SKAP2: variants seen among roughly 807,000 people sequenced by gnomAD.
The protein encoded by SKAP2 is src kinase-associated phosphoprotein 2.
Under a neutral mutation model 54.9 loss-of-function variants are expected in SKAP2, and 28 were observed. The ratio of observed to expected loss-of-function variants is 0.51; its 90% CI spans 0.38 to 0.70. SKAP2 has a LOEUF of 0.70. SKAP2 is among the 30% of genes least tolerant of loss of function. The pLI is 0.00. For missense variants in SKAP2, 356 were observed against 424.1 expected (o/e 0.84, Z 1.41); for synonymous variants, 137 against 134.3 (o/e 1.02, Z -0.14).
the SKAP2 span, among the ~76,000 whole-genome samples, chr7:26,661,639 G>A: frequency 6.6e-6 from 1 of 152,074 alleles, no homozygotes; most frequent in South Asian, 2.1e-4. Context: ...ATCAAAAAAT[G>A]CATTGAAAAT....
intron 4 of SKAP2, among the ~76,000 whole-genome samples, chr7:26,771,436 C>CT (rs902911488): frequency 5.9e-5 from 9 of 152,146 alleles, no homozygotes; most frequent in Non-Finnish European, 8.8e-5. Context: ...GGGGATGTAA[C>CT]TGATATTCAC....
chr7:26,756,613 T>G (rs1241040318), intron 4 of SKAP2, among the ~76,000 whole-genome samples: 1 of 152,240 alleles, frequency 6.6e-6, no homozygotes, highest in Non-Finnish European at 1.5e-5. Context: ...AAGTCTTTGC[T>G]ATTGTGAGTA....
At chr7:26,798,271 A>T (rs1783826867) in intron 4 of SKAP2, among the ~76,000 whole-genome samples, 1 of 152,036 alleles carries the variant, frequency 6.6e-6, no homozygotes. Flanking sequence ...GCCAGGAGAG[A>T]GTGGCATGAC....
rs1434022139 is a variant in SKAP2 at position 26,771,215 on chromosome 7, A to G, written c.308-31251T>C. Among the ~76,000 whole-genome samples the G allele has an allele frequency of 1.3e-5, 2 of 152,180 alleles. 1 individual carries two copies. The highest frequency in any genetic ancestry group is 1.3e-4 in the Admixed American group (2 of 15,288). On this transcript the variant is annotated intron_variant, in intron 4 of 12. Transcript: ENST00000345317. The stretch of plus-strand genomic sequence containing the variant: ...TCCCTAGGTGTAGCTAGTGATAATA[A>G]AGGTTTTAGATGATAATCAGTCTAG...
At chr7:26,857,411 CT>C in intron 1 of SKAP2, 13 of 975,254 alleles carry the variant, frequency 1.3e-5, no homozygotes, top group South Asian at 4.8e-5. Context: ...GGTTTTTAAG[CT>C]TTTGAAATCT....
rs1009908836 is a variant in SKAP2, at chr7:26,807,928, A to G, written c.307+36102T>C. 2.6e-5 allele frequency among the ~76,000 whole-genome samples: 4 copies of G among 152,334 alleles called. No individual in the cohort carries two copies. In the East Asian group the frequency reaches 7.7e-4, roughly 29 times the overall value. On this transcript the variant is annotated intron_variant, in intron 4 of 12. Coordinates refer to ENST00000345317, the MANE Select transcript of SKAP2 (RefSeq NM_003930.5). ...TTAAGGTATGCACATTGTTTTTTAG[A>G]CATAATACTAATTGCACACTTAATA...
At chr7:26,816,622 G>A (rs1784271743) in intron 4 of SKAP2, among the ~76,000 whole-genome samples, 1 of 151,988 alleles carries the variant, frequency 6.6e-6, no homozygotes. Context: ...ATATAAGTAT[G>A]TGTTGATGCA....
At chr7:26,665,006 TA>T (rs1008881876), downstream of SKAP2, among the ~76,000 whole-genome samples, 5 of 152,112 alleles carry the variant, frequency 3.3e-5, no homozygotes, top group African/African-American at 1.2e-4. Flanking sequence ...CAACTTTAAA[TA>T]AACAGGGAGT....
chr7:26,839,865 G>T (rs1002919114), intron 4 of SKAP2, among the ~76,000 whole-genome samples: 1 of 151,980 alleles, frequency 6.6e-6, no homozygotes, highest in African/African-American at 2.4e-5. Flanking sequence ...CACTTTCTAA[G>T]AGCTAATTAT....
chr7:26,664,735 A>C (rs1302138695), downstream of SKAP2, among the ~76,000 whole-genome samples: 2 of 151,866 alleles, frequency 1.3e-5, no homozygotes, highest in Admixed American at 6.6e-5. Flanking sequence ...AAAGAAAAAA[A>C]AAAAAAAAAA....
At chr7:26,776,325 T>C (rs1783306828) in intron 4 of SKAP2, among the ~76,000 whole-genome samples, 1 of 152,170 alleles carries the variant, frequency 6.6e-6, no homozygotes, top group South Asian at 2.1e-4. Flanking sequence ...GCCCCCTGTA[T>C]GCTGAAGACT....
downstream of SKAP2, among the ~76,000 whole-genome samples, chr7:26,666,458 T>C (rs1054651211): frequency 1.3e-5 from 2 of 152,114 alleles, no homozygotes; most frequent in Non-Finnish European, 2.9e-5. Context: ...GTAGAAATCA[T>C]AAGAACTAAG....
intron 4 of SKAP2, among the ~76,000 whole-genome samples, chr7:26,843,659 T>G (rs1286243814): frequency 3.9e-5 from 6 of 151,920 alleles, no homozygotes; most frequent in African/African-American, 1.4e-4. Flanking sequence ...CAGAAAAAAA[T>G]AGATCAAAAA....
chr7:26,842,971 A>G (rs1254611852), intron 4 of SKAP2, among the ~76,000 whole-genome samples: 1 of 152,014 alleles, frequency 6.6e-6, no homozygotes, highest in Non-Finnish European at 1.5e-5. Flanking sequence ...TTATTGCTAC[A>G]CTTTGTACAA....
chr7:26,837,127 T>A (rs1037708129), intron 4 of SKAP2, among the ~76,000 whole-genome samples: 8 of 151,332 alleles, frequency 5.3e-5, no homozygotes, highest in African/African-American at 1.9e-4. Flanking sequence ...TAAGTGGGAG[T>A]TGAACAATGA....
chr7:26,859,177 T>C (rs1279197811), intron 1 of SKAP2, among the ~76,000 whole-genome samples: 1 of 152,122 alleles, frequency 6.6e-6, no homozygotes, highest in Admixed American at 6.5e-5. Context: ...CATTGTGAAT[T>C]GGGCCAGATT....
At chr7:26,659,100 G>C in the SKAP2 span, among the ~76,000 whole-genome samples, 2 of 151,970 alleles carry the variant, frequency 1.3e-5, no homozygotes, top group African/African-American at 4.8e-5. Flanking sequence ...TCTGAAAACT[G>C]GACATAATCT....
At chr7:26,770,787 A>C (rs773115049) in intron 4 of SKAP2, among the ~76,000 whole-genome samples, 20 of 152,136 alleles carry the variant, frequency 1.3e-4, no homozygotes, top group Non-Finnish European at 2.4e-4. Context: ...GGCTGCATCC[A>C]CTGTCTAACC....
At chr7:26,656,010 T>A in the SKAP2 span, among the ~76,000 whole-genome samples, 1 of 152,172 alleles carries the variant, frequency 6.6e-6, no homozygotes, top group Non-Finnish European at 1.5e-5. Flanking sequence ...TCCCTCTTTG[T>A]GTGTTTACGT....
Sources: gnomAD v4.1 joint callset for allele counts (sites outside exome capture counted in the v4.1 genomes callset) on GRCh38, gnomAD v4.1.1 for gene constraint, MANE v1.5 for transcripts, NCBI Gene and HGNC (gene_info 2026-07-23, HGNC 2026-07-21) for gene names.